Variants in C11orf54 observed in about 807,000 individuals in gnomAD.
C11orf54 encodes the protein beta-keto-L-gulonate decarboxylase.
A neutral mutation model predicts 35.5 loss-of-function variants in C11orf54; 29 were observed. The ratio of observed to expected loss-of-function variants is 0.82; its 90% confidence interval spans 0.61 to 1.11. The LOEUF (loss-of-function observed/expected upper bound fraction) is 1.11, where lower values mean the gene tolerates loss of function less well. C11orf54 is among the 50% of genes most tolerant of loss of function. The probability of loss-of-function intolerance (pLI) is 0.00; values close to 1 mark genes in which losing one functional copy is unlikely to be tolerated. For missense variants in C11orf54, 373 were observed against 369.2 expected (o/e 1.01, Z -0.08); for synonymous variants, 108 against 121.1 (o/e 0.89, Z 0.71).
chr11:93,749,263 CTT>C (rs1942672888), intron 2 of C11orf54, among the ~76,000 whole-genome samples: 1 of 151,916 alleles, frequency 6.6e-6, no homozygotes, highest in Non-Finnish European at 1.5e-5. Flanking sequence ...GAGCAGATCT[CTT>C]AAGCCCAGGA....
chr11:93,742,158 ATTTG>A (rs1485753184), intron 1 of C11orf54: 1 of 152,670 alleles, frequency 6.6e-6, no homozygotes, highest in African/African-American at 2.4e-5. Flanking sequence ...CCTGTGGAGG[ATTTG>A]TTTTTCCTAA....
At chr11:93,759,959 G>GAACAACAACAAACA in intron 8 of C11orf54, 101 bp downstream of exon 8, 1 of 723,148 alleles carries the variant, frequency 1.4e-6, no homozygotes, top group South Asian at 2.6e-5. Flanking sequence ...TGTTGTTGTT[G>GAACAACAACAAACA]TTTTGAGACA....
intron 6 of C11orf54, among the ~76,000 whole-genome samples, chr11:93,757,044 G>A (rs1411173024): frequency 2.0e-5 from 3 of 152,066 alleles, no homozygotes; most frequent in Admixed American, 2.0e-4. Flanking sequence ...TCTCTGCACT[G>A]AGAAACTTGT....
chr11:93,749,601 G>A (rs1942704686), intron 2 of C11orf54, among the ~76,000 whole-genome samples: 1 of 151,520 alleles, frequency 6.6e-6, no homozygotes, highest in Non-Finnish European at 1.5e-5. Context: ...GATCACATGA[G>A]TCCAGGAGTT....
In C11orf54 at chr11:93,747,372, T is replaced by A; in HGVS notation, c.-22T>A. 6.3e-7 allele frequency: 1 copy of A among 1,576,196 alleles called. No individual in the cohort carries two copies. The highest frequency in any genetic ancestry group is 8.6e-7 in the Non-Finnish European group (1 of 1,163,864). On this transcript the variant is annotated 5_prime_UTR_variant, in exon 2 of 9. Coordinates refer to ENST00000354421, the MANE Select transcript of C11orf54 (RefSeq NM_001286069.2). ...CAAGAGTAGCTCTATTTGTCCAACC[T>A]CACACCTAAAGAAGAAAGAAAATGG...
In C11orf54 at chr11:93,750,362, A is replaced by C; in HGVS notation, c.72A>C (p.Leu24Phe). The C allele has an allele frequency of 6.2e-7, 1 of 1,613,634 alleles. No homozygotes were observed. The highest frequency in any genetic ancestry group is 8.5e-7 in the Non-Finnish European group (1 of 1,179,662). Residue 24 changes from leucine to phenylalanine, a missense_variant, in exon 3 of 9, where the codon TTA becomes TTC. By Grantham distance (22) the Leu-to-Phe change is conservative. Transcript: ENST00000354421. Reference sequence around the variant, plus strand: ...CTTTATTAGTTATGCAGAAGGGGTTAAAAGATAACTTTGCTGATGTCCAGG... The same window carrying C: ...CTTTATTAGTTATGCAGAAGGGGTTCAAAGATAACTTTGCTGATGTCCAGG... Reference protein sequence around the residue: ...EELAGVMQKGLKDNFADVQVS... With the variant: ...EELAGVMQKGFKDNFADVQVS...
intron 7 of C11orf54, among the ~76,000 whole-genome samples, chr11:93,758,100 A>C (rs1326578735): frequency 6.6e-6 from 1 of 152,208 alleles, no homozygotes; most frequent in African/African-American, 2.4e-5. Context: ...GCTGGAGGCC[A>C]GGAATTCAAA....
At chr11:93,757,180 CA>C (rs1943200707) in intron 6 of C11orf54, 135 bp from the exon 7 acceptor site, 1 of 878,354 alleles carries the variant, frequency 1.1e-6, no homozygotes, top group African/African-American at 1.7e-5. Flanking sequence ...CACGGGATTG[CA>C]ACATCTCAAC....
At chr11:93,760,028 C>A (rs1943374812) in intron 8 of C11orf54, among the ~76,000 whole-genome samples, 170 bp downstream of exon 8, 5 of 152,174 alleles carry the variant, frequency 3.3e-5, no homozygotes. Context: ...CTTACTGCAA[C>A]CTCCGCCTCC....
In C11orf54 at chr11:93,741,693, C is replaced by T; in HGVS notation, c.-133C>T. 2.8e-6 allele frequency: 1 copy of T among 356,280 alleles called. No homozygotes were observed. Among genetic ancestry groups the T allele is most frequent in the Non-Finnish European group, 5.5e-6 (1 of 180,572 alleles). 22.1% of individuals were successfully genotyped at this position (356,280 alleles called of 1,614,324 possible). A position where few individuals can be genotyped will look rare whatever the true frequency, so the allele number is the denominator to read the frequency against. Reference sequence around the variant, plus strand: ...AGGCGGGGTTGGCCTAGGCGAAGATCCGGACTCTGGGTGTTTTGCTACCGT... The same window carrying T: ...AGGCGGGGTTGGCCTAGGCGAAGATTCGGACTCTGGGTGTTTTGCTACCGT... On this transcript the variant is annotated 5_prime_UTR_variant, in exon 1 of 9. Coordinates refer to ENST00000354421, the MANE Select transcript of C11orf54 (RefSeq NM_001286069.2).
At position 93,750,354 on chromosome 11, in the gene C11orf54, A is replaced by G; in HGVS notation, c.64A>G (p.Lys22Glu). Residue 22 changes from lysine (K) to glutamate (E), a missense_variant, in exon 3 of 9, where the codon AAG (lysine) becomes GAG (glutamate). Coordinates refer to ENST00000354421, the MANE Select transcript of C11orf54 (RefSeq NM_001286069.2). Reference sequence around the variant, plus strand: ...TTCCTTGTCTTTATTAGTTATGCAGAAGGGGTTAAAAGATAACTTTGCTGA... The same window carrying G: ...TTCCTTGTCTTTATTAGTTATGCAGGAGGGGTTAAAAGATAACTTTGCTGA... Reference protein sequence around the residue: ...SLEELAGVMQKGLKDNFADVQ... With the variant: ...SLEELAGVMQEGLKDNFADVQ... 6.2e-7 allele frequency: 1 copy of G among 1,613,024 alleles called. No homozygotes were observed.
At chr11:93,747,923 T>C (rs532147963) in intron 2 of C11orf54, among the ~76,000 whole-genome samples, 2 of 152,294 alleles carry the variant, frequency 1.3e-5, no homozygotes, top group Admixed American at 1.3e-4. Flanking sequence ...TAAGGCAGTT[T>C]CCCAAGATAA....
intron 7 of C11orf54, among the ~76,000 whole-genome samples, chr11:93,757,831 A>G (rs1156820856): frequency 6.6e-6 from 1 of 152,130 alleles, no homozygotes; most frequent in East Asian, 1.9e-4. Flanking sequence ...ACCGGGCCAG[A>G]TCTTAGGATT....
chr11:93,754,673 A>T (rs1407108812), intron 5 of C11orf54, among the ~76,000 whole-genome samples: 2 of 151,832 alleles, frequency 1.3e-5, no homozygotes, highest in African/African-American at 2.4e-5. Flanking sequence ...TTAAAAATTT[A>T]AAATAAGATA....
At position 93,754,160 on chromosome 11, in the gene C11orf54, A is replaced by G. The variant is rs1409068914; in HGVS notation, c.330+123A>G. 3.8e-6 allele frequency: 3 copies of G among 780,218 alleles called. No individual in the cohort carries two copies. The African/African-American group carries it at 5.3e-5, about 14-fold the overall frequency. 48.3% of individuals were successfully genotyped at this position (780,218 alleles called of 1,614,324 possible). On this transcript the variant is annotated intron_variant, in intron 5 of 8. Transcript: ENST00000354421. ...TAAATCTCTCTGCAGGTTTGATACT[A>G]CTTGATGTAGATTTCTGCTATAGCA...
At position 93,762,489 on chromosome 11, in the gene C11orf54, C is replaced by T. The variant is rs1943522448; in HGVS notation, c.*801C>T. 1 of 152,276 alleles carries T rather than the reference C, an allele frequency of 6.6e-6. No individual in the cohort carries two copies. The highest frequency in any genetic ancestry group is 2.4e-5 in the African/African-American group (1 of 41,552). The allele number at this position is 152,276 out of a possible 1,614,324, so 9.4% of individuals were successfully genotyped here. On this transcript the variant is annotated 3_prime_UTR_variant, in exon 9 of 9. Coordinates refer to ENST00000354421, the MANE Select transcript of C11orf54 (RefSeq NM_001286069.2). ...ACAATTTGCCTTTCACAAACATTAG[C>T]AGTCCGGGCATGGTGGCTGAAGCCT...
At chr11:93,760,194 C>G (rs1002422919) in intron 8 of C11orf54, among the ~76,000 whole-genome samples, 1 of 152,166 alleles carries the variant, frequency 6.6e-6, no homozygotes, top group Admixed American at 6.5e-5. Context: ...ATCCACCCAC[C>G]TCTGCCTCCC....
intron 6 of C11orf54, among the ~76,000 whole-genome samples, 188 bp downstream of exon 6, chr11:93,755,574 A>C (rs1422771393): frequency 6.6e-6 from 1 of 151,772 alleles, no homozygotes; most frequent in Non-Finnish European, 1.5e-5. Context: ...AACATGGTGA[A>C]ACCCCATCTG....
intron 5 of C11orf54, among the ~76,000 whole-genome samples, 186 bp downstream of exon 5, chr11:93,754,223 T>C (rs1326501663): frequency 6.6e-6 from 1 of 152,240 alleles, no homozygotes; most frequent in Admixed American, 6.5e-5. Context: ...GAGTACTAAC[T>C]TGTAGTTTTA....
Sources: gnomAD v4.1 joint callset for allele counts (sites outside exome capture counted in the v4.1 genomes callset) on GRCh38, gnomAD v4.1.1 for gene constraint, MANE v1.5 for transcripts, NCBI Gene and HGNC (gene_info 2026-07-23, HGNC 2026-07-21) for gene names.